Variants in DVL2 observed in about 807,000 individuals in gnomAD.
DVL2 encodes the protein segment polarity protein dishevelled homolog DVL-2.
Under a neutral mutation model 69.8 loss-of-function variants are expected in DVL2, and 38 were observed. The observed-to-expected ratio is 0.54, with a 90% CI of 0.42 to 0.71. The LOEUF (loss-of-function observed/expected upper bound fraction) is 0.71, where lower values mean the gene tolerates loss of function less well. Ranked by LOEUF, DVL2 falls within the 30% of genes least tolerant of loss-of-function variation. DVL2 has a pLI of 0.00. For synonymous variants in DVL2, 428 were observed against 392.4 expected (o/e 1.09, Z -1.07); for missense variants, 931 against 1,008.1 (o/e 0.92, Z 1.04).
At position 7,230,315 on chromosome 17, in the gene DVL2, C is replaced by T. The variant is rs1385306342; in HGVS notation, c.380G>A (p.Gly127Asp). The change falls in exon 3 of 15, where the codon GGC becomes GAC. Residue 127 changes from glycine (G) to aspartate (D), a missense_variant. This residue lies in a region of DVL2 where 555 missense variants were observed against 588.8 expected (regional missense o/e 0.94). Coordinates refer to ENST00000005340, the MANE Select transcript of DVL2 (RefSeq NM_004422.3). Reference sequence around the variant, plus strand: ...GGATGGAGGCCTTGAGTCCCCAATGCCGCTGGTCCTCTCGGGTGGCAAAGG... The same window carrying T: ...GGATGGAGGCCTTGAGTCCCCAATGTCGCTGGTCCTCTCGGGTGGCAAAGG... ...LPPLPPERTS[G>D]IGDSRPPSFH... 6 of 1,614,132 alleles carry T rather than the reference C, an allele frequency of 3.7e-6. No individual in the cohort carries two copies. In the East Asian group the frequency reaches 1.3e-4, roughly 36 times the overall value.
rs778447617 is a variant in DVL2, at chr17:7,225,527, A to T, written c.*338T>A. On this transcript the variant is annotated 3_prime_UTR_variant, in exon 15 of 15. Coordinates refer to ENST00000005340, the MANE Select transcript of DVL2 (RefSeq NM_004422.3). ...CAGGGCTGTGGGTAACTGGAGGAGGAGGTCACATTCTGGGGTTAGAAGGGG... is the reference window on the plus strand; with the variant it reads ...CAGGGCTGTGGGTAACTGGAGGAGGTGGTCACATTCTGGGGTTAGAAGGGG... 32 of 417,832 alleles carry T rather than the reference A, an allele frequency of 7.7e-5. No individual in the cohort carries two copies. The highest frequency in any genetic ancestry group is 5.1e-4 in the Admixed American group (12 of 23,632). 25.9% of individuals were successfully genotyped at this position (417,832 alleles called of 1,614,324 possible). A position where few individuals can be genotyped will look rare whatever the true frequency, so the allele number is the denominator to read the frequency against.
Position 7,226,845 on chromosome 17 carries a change from G to C in DVL2, c.1544-206C>G, listed in dbSNP as rs2071460975. On this transcript the variant is annotated intron_variant, in intron 13 of 14. Coordinates refer to ENST00000005340, the MANE Select transcript of DVL2 (RefSeq NM_004422.3). ...ACAGCCACTAGCCCACGTCTTTGCG[G>C]GACTCAGGTAAGAGGTGCACCTTCC... 4 of 625,906 alleles carry C rather than the reference G, an allele frequency of 6.4e-6. No homozygotes were observed. In the East Asian group the frequency reaches 1.1e-4, roughly 18 times the overall value. 38.8% of individuals were successfully genotyped at this position (625,906 alleles called of 1,614,324 possible). A position where few individuals can be genotyped will look rare whatever the true frequency, so the allele number is the denominator to read the frequency against.
In DVL2 at chr17:7,225,382, G is replaced by A. The variant is rs1192358302; in HGVS notation, c.*483C>T. ...GCTTTATTTGGTGTTTTATACAAGT[G>A]ACTAAAATAAATAGAGTAACAAAGG... On this transcript the variant is annotated 3_prime_UTR_variant, in exon 15 of 15. Transcript: ENST00000005340. 8 of 520,292 alleles carry A rather than the reference G, an allele frequency of 1.5e-5. No individual in the cohort carries two copies. The Admixed American group carries it at 2.3e-4, about 15-fold the overall frequency. The allele number at this position is 520,292 out of a possible 1,614,324, so 32.2% of individuals were successfully genotyped here.
In DVL2 at chr17:7,227,215, C is replaced by T. The variant is rs750681720; in HGVS notation, c.1418G>A (p.Arg473Gln). 9.9e-6 allele frequency: 16 copies of T among 1,613,948 alleles called. No individual in the cohort carries two copies. The highest frequency in any genetic ancestry group is 3.3e-5 in the Admixed American group (2 of 60,016). Residue 473 changes from arginine to glutamine, a missense_variant, in exon 13 of 15, where the codon CGG becomes CAG. Transcript: ENST00000005340. ...YHHVEGFPER[R>Q]EARKYASGLL... ...CCCGCTGGCATACTTGCGGGCCTCCCGCCGCTCAGGAAAGCCCTCCACGTG... is the reference window on the plus strand; with the variant it reads ...CCCGCTGGCATACTTGCGGGCCTCCTGCCGCTCAGGAAAGCCCTCCACGTG...
chr17:7,231,658 T>C (rs1399621397), intron 1 of DVL2, among the ~76,000 whole-genome samples: 1 of 150,130 alleles, frequency 6.7e-6, no homozygotes, highest in East Asian at 2.0e-4. Flanking sequence ...AGGTCAGGAG[T>C]TCAAGACCAG....
chr17:7,226,695 A>G (rs2071457000), intron 13 of DVL2, 56 bp from the exon 14 acceptor site: 3 of 1,337,356 alleles, frequency 2.2e-6, no homozygotes, highest in Non-Finnish European at 3.0e-6. Flanking sequence ...TAGGGCCCCA[A>G]GACACCGAAT....
Position 7,229,951 on chromosome 17 carries a change from T to C in DVL2, c.521-8A>G, listed in dbSNP as rs2071516708. 6 of 1,608,058 alleles carry C rather than the reference T, an allele frequency of 3.7e-6. No individual in the cohort carries two copies. The highest frequency in any genetic ancestry group is 2.2e-5 in the East Asian group (1 of 44,852). On this transcript the variant is annotated splice_polypyrimidine_tract_variant and splice_region_variant and intron_variant, in intron 4 of 14. Transcript: ENST00000005340. The surrounding 1 kb of genome is among the most constrained non-coding windows in gnomAD (Gnocchi z 4.4). ...CAGTCCTGTGGCCCCCAGCTACATA[T>C]GGACAGGAAGCTCAAGAACCAAGCT... is the stretch of plus-strand genomic sequence containing the variant.
chr17:7,228,042 G>A lies in DVL2; in HGVS notation c.1037C>T (p.Pro346Leu), dbSNP rs866399492. Residue 346 changes from proline (P) to leucine (L), a missense_variant and splice_region_variant, in exon 10 of 15, where the codon CCC (proline) becomes CTC (leucine). By Grantham distance (98) the Pro-to-Leu change is moderately conservative. This residue lies in a region of DVL2 where 555 missense variants were observed against 588.8 expected (regional missense o/e 0.94). Coordinates refer to ENST00000005340, the MANE Select transcript of DVL2 (RefSeq NM_004422.3). The part of the protein sequence containing the change: ...VLRDIVHKPG[P>L]IVLTVAKCWD... ...GCACTTGGCCACAGTCAGCACAATG[G>A]GGCTATGGGGAAGAGAAGTCCAGTC... 1.3e-6 allele frequency: 2 copies of A among 1,536,560 alleles called. No homozygotes were observed. Among genetic ancestry groups the A allele is most frequent in the East Asian group, 2.3e-5 (1 of 44,322 alleles).
intron 13 of DVL2, 107 bp from the exon 14 acceptor site, chr17:7,226,746 T>G: frequency 1.1e-6 from 1 of 893,842 alleles, no homozygotes; most frequent in Non-Finnish European, 1.6e-6. Context: ...CCACCCACGA[T>G]GGGGCTCAAA....
chr17:7,233,735 G>T (rs1188126853), intron 1 of DVL2, among the ~76,000 whole-genome samples: 2 of 152,046 alleles, frequency 1.3e-5, no homozygotes, highest in Non-Finnish European at 1.5e-5. Flanking sequence ...GGCGTTACAG[G>T]ACTCCTGAGA....
In DVL2 at chr17:7,225,688, T is replaced by C. The variant is rs1407566420; in HGVS notation, c.*177A>G. Reference sequence around the variant, plus strand: ...TAAAAATAATCAAAGGTCCCTTGTCTACCCCTGAGGGAAGGGGGAGGAACC... The same window carrying C: ...TAAAAATAATCAAAGGTCCCTTGTCCACCCCTGAGGGAAGGGGGAGGAACC... On this transcript the variant is annotated 3_prime_UTR_variant, in exon 15 of 15. Coordinates refer to ENST00000005340, the MANE Select transcript of DVL2 (RefSeq NM_004422.3). 21 of 618,250 alleles carry C rather than the reference T, an allele frequency of 3.4e-5. No individual in the cohort carries two copies. The highest frequency in any genetic ancestry group is 6.0e-5 in the Non-Finnish European group (21 of 350,812). The allele number at this position is 618,250 out of a possible 1,614,324, so 38.3% of individuals were successfully genotyped here.
rs35594616 is a variant in DVL2 at position 7,226,521 on chromosome 17, T to C, written c.1662A>G (p.Gln554=). 982,127 of 1,606,304 alleles carry C rather than the reference T, an allele frequency of 0.61. 303,387 individuals are homozygous for C. The highest frequency in any genetic ancestry group is 0.69 in the Middle Eastern group (4,165 of 6,008). ...PWPLLPTFSY[Q]YPAPHPYSPQ... ...GGCTGTAGGGGTGTGGGGCAGGGTA[T>C]TGGTAGGAGAAAGTGGGCAGCAGGG... is the stretch of plus-strand genomic sequence containing the variant. Residue 554 remains glutamine (Q), a synonymous_variant, in exon 14 of 15, where the codon CAA becomes CAG. Coordinates refer to ENST00000005340, the MANE Select transcript of DVL2 (RefSeq NM_004422.3).
rs2071425742 is a variant in DVL2 at position 7,225,386 on chromosome 17, AAAAT to A, written c.*475_*478del. On this transcript the variant is annotated 3_prime_UTR_variant, in exon 15 of 15. Coordinates refer to ENST00000005340, the MANE Select transcript of DVL2 (RefSeq NM_004422.3). ...TATTTGGTGTTTTATACAAGTGACT[AAAAT>A]AAATAGAGTAACAAAGGCAGCTACA... 2 of 509,228 alleles carry A rather than the reference AAAAT, an allele frequency of 3.9e-6. No individual in the cohort carries two copies. The highest frequency in any genetic ancestry group is 7.1e-6 in the Non-Finnish European group (2 of 281,274). 31.5% of individuals were successfully genotyped at this position (509,228 alleles called of 1,614,324 possible).
rs2071512713 is a variant in DVL2 at position 7,229,751 on chromosome 17, T to C, written c.656+57A>G. 2.5e-6 allele frequency: 4 copies of C among 1,589,134 alleles called. No individual in the cohort carries two copies. Among genetic ancestry groups the C allele is most frequent in the East Asian group, 2.3e-5 (1 of 44,410 alleles). ...GGGGCCAAGAGAAAGAACAAGAGGA[T>C]TGACTGGAAGACGAGACGGGGCTGG... On this transcript the variant is annotated intron_variant, in intron 5 of 14. Coordinates refer to ENST00000005340, the MANE Select transcript of DVL2 (RefSeq NM_004422.3). This position sits in a 1 kb window ranked among gnomAD's most constrained non-coding sequence, Gnocchi z 4.4.
chr17:7,227,883 T>A lies in DVL2; in HGVS notation c.1102+94A>T, dbSNP rs918896609. 8.3e-6 allele frequency: 13 copies of A among 1,562,138 alleles called. No individual in the cohort carries two copies. The South Asian group carries it at 1.4e-4, about 17-fold the overall frequency. Reference sequence around the variant, plus strand: ...TCCTGTTCCACCTCTGCCTGGACCCTCCTCCCACCCATTCCCCATGACCAC... The same window carrying A: ...TCCTGTTCCACCTCTGCCTGGACCCACCTCCCACCCATTCCCCATGACCAC... On this transcript the variant is annotated intron_variant, in intron 10 of 14. Transcript: ENST00000005340.
intron 1 of DVL2, among the ~76,000 whole-genome samples, chr17:7,233,102 A>AAAAAAAAAAAAAAAAAC (rs2071570311): frequency 6.6e-6 from 1 of 150,452 alleles, no homozygotes; most frequent in African/African-American, 2.4e-5. Context: ...AAAAAAAAAA[A>AAAAAAAAAAAAAAAAAC]AAAAAGCAGA....
Position 7,227,529 on chromosome 17 carries a change from TCAC to T in DVL2, c.1235_1237del (p.Cys412_Glu413delinsTer). The T allele has an allele frequency of 6.2e-7, 1 of 1,613,946 alleles. No individual in the cohort carries two copies. On this transcript the variant is annotated stop_gained and inframe_deletion, in exon 12 of 15. Coordinates refer to ENST00000005340, the MANE Select transcript of DVL2 (RefSeq NM_004422.3). LOFTEE classifies it high-confidence loss of function. The stretch of plus-strand genomic sequence containing the variant: ...CGTATGGACGGAGAGACCCCGGCCT[TCAC>T]AGCCTGGCAGAGGAGACAACGGGTA...
chr17:7,233,093 A>AAAAAAAAAAAAAAAAAAAAAAAG (rs2071569922), intron 1 of DVL2, among the ~76,000 whole-genome samples: 1 of 149,026 alleles, frequency 6.7e-6, no homozygotes, highest in Non-Finnish European at 1.5e-5. Context: ...GTCTCAAAAA[A>AAAAAAAAAAAAAAAAAAAAAAAG]AAAAAAAAAA....
chr17:7,232,234 T>C lies in DVL2; in HGVS notation c.195-1437A>G, dbSNP rs573955116. Among the ~76,000 whole-genome samples the C allele has an allele frequency of 2.3e-4, 35 of 152,340 alleles. No individual in the cohort carries two copies. The South Asian group carries it at 3.5e-3, about 15-fold the overall frequency. ...AAAGCATCAGACTCTCTACCCTAGT[T>C]GTTCCTCTCTCTCTTTCCACACACA... On this transcript the variant is annotated intron_variant, in intron 1 of 14. Coordinates refer to ENST00000005340, the MANE Select transcript of DVL2 (RefSeq NM_004422.3).
Sources: allele counts gnomAD v4.1 joint callset (sites outside exome capture counted in the v4.1 genomes callset), GRCh38; gene constraint gnomAD v4.1.1; regional missense constraint gnomAD v4.1.1; non-coding constraint Gnocchi (gnomAD v3.1); transcripts MANE v1.5; gene names NCBI Gene and HGNC (gene_info 2026-07-23, HGNC 2026-07-21).